Variants in TYW1B observed in about 807,000 individuals in gnomAD.
The protein encoded by TYW1B is tRNA-yW synthesizing protein 1 homolog B.
A neutral mutation model predicts 86.9 loss-of-function variants in TYW1B; 73 were observed. The ratio of observed to expected loss-of-function variants is 0.84; its 90% CI spans 0.70 to 1.02. TYW1B has a LOEUF of 1.02. Ranked by LOEUF, TYW1B falls within the 50% of genes least tolerant of loss-of-function variation. The pLI, the probability that TYW1B is intolerant of heterozygous loss-of-function variation, is 0.00. For missense variants in TYW1B, 637 were observed against 827.4 expected (o/e 0.77, Z 2.82); for synonymous variants, 248 against 292.8 (o/e 0.85, Z 1.56).
chr7:72,585,226 C>A (rs1477498452), intron 13 of TYW1B, among the ~76,000 whole-genome samples: 1 of 152,190 alleles, frequency 6.6e-6, no homozygotes, highest in Non-Finnish European at 1.5e-5. Flanking sequence ...CCAGGTTCTG[C>A]TAAAAGTTGT....
chr7:72,803,600 C>T (rs1162307903), intron 5 of TYW1B, among the ~76,000 whole-genome samples: 1 of 152,034 alleles, frequency 6.6e-6, no homozygotes, highest in African/African-American at 2.4e-5. Context: ...CAGAATCAAA[C>T]GTTAGAGAGA....
rs59438928 is a variant in TYW1B at position 72,711,473 on chromosome 7, C to CTTTTTTTTTTTTT, written c.1370+2135_1370+2147dup. ...CTTCGTGTTTCTCTCCTCTTTAATT[C>CTTTTTTTTTTTTT]TTTTTTTTTTTTTTTTTTTTTTTTT... is the stretch of plus-strand genomic sequence containing the variant. On this transcript the variant is annotated intron_variant, in intron 10 of 13. Transcript: ENST00000620995. 3.5e-3 allele frequency among the ~76,000 whole-genome samples: 199 copies of CTTTTTTTTTTTTT among 56,966 alleles called. 44 individuals carry two copies. Among genetic ancestry groups the CTTTTTTTTTTTTT allele is most frequent in the Non-Finnish European group, 4.3e-3 (144 of 33,348 alleles). 37.4% of individuals were successfully genotyped at this position (56,966 alleles called of 152,430 possible).
intron 7 of TYW1B, among the ~76,000 whole-genome samples, chr7:72,754,723 C>T (rs1362853971): frequency 2.0e-5 from 3 of 152,182 alleles, no homozygotes; most frequent in Non-Finnish European, 4.4e-5. Context: ...CAGGTGTGAG[C>T]CACTGCAGCC....
intron 11 of TYW1B, among the ~76,000 whole-genome samples, chr7:72,675,944 C>G (rs2961004): frequency 6.6e-6 from 1 of 152,048 alleles, no homozygotes; most frequent in East Asian, 1.9e-4. Context: ...TAACATCACA[C>G]TACATAACAT....
chr7:72,613,089 T>C (rs1585847930), intron 13 of TYW1B, among the ~76,000 whole-genome samples: 1 of 152,062 alleles, frequency 6.6e-6, no homozygotes, highest in Non-Finnish European at 1.5e-5. Context: ...AGGGGGGAAC[T>C]GTATTCTTTT....
At chr7:72,649,187 C>T (rs1554442439) in intron 11 of TYW1B, among the ~76,000 whole-genome samples, 2 of 152,010 alleles carry the variant, frequency 1.3e-5, no homozygotes, top group South Asian at 2.1e-4. Context: ...ACTCAAAGAA[C>T]GAATGACTAG....
chr7:72,637,653 G>T (rs1585867047), intron 11 of TYW1B, among the ~76,000 whole-genome samples: 2 of 144,460 alleles, frequency 1.4e-5, no homozygotes, highest in African/African-American at 5.1e-5. Context: ...TTCCTTCCAA[G>T]TACTTACTCT....
intron 8 of TYW1B, among the ~76,000 whole-genome samples, chr7:72,730,126 G>C (rs778543862): frequency 2.0e-5 from 3 of 152,134 alleles, no homozygotes; most frequent in African/African-American, 4.8e-5. Context: ...AAGGGTGACT[G>C]TTATACCAGA....
At chr7:72,580,321 G>C (rs1212183579) in intron 13 of TYW1B, among the ~76,000 whole-genome samples, 1 of 152,296 alleles carries the variant, frequency 6.6e-6, no homozygotes, top group South Asian at 2.1e-4. Context: ...ACAGCGCTGA[G>C]AGACAGCTGC....
rs781783786 is a variant in TYW1B, at chr7:72,625,662, AAAAAC to A, written c.1617+3220_1617+3224del. On this transcript the variant is annotated intron_variant, in intron 12 of 13. Transcript: ENST00000620995. The stretch of plus-strand genomic sequence containing the variant: ...GGGCAACCGAGCAAGACTGTCTCAG[AAAAAC>A]AAAACAAAACAAAACAAAACATCTC... Among the ~76,000 whole-genome samples, 478 of 151,618 alleles carry A rather than the reference AAAAAC, an allele frequency of 3.2e-3. 1 individual carries two copies. The highest frequency in any genetic ancestry group is 0.01 in the South Asian group (49 of 4,768).
chr7:72,603,419 G>A (rs1811723227), intron 13 of TYW1B, among the ~76,000 whole-genome samples: 3 of 152,180 alleles, frequency 2.0e-5, no homozygotes, highest in African/African-American at 7.2e-5. Flanking sequence ...AGACAGAGAT[G>A]GTGATACAGA....
chr7:72,737,853 C>A (rs1554461248), intron 8 of TYW1B, among the ~76,000 whole-genome samples: 1 of 149,340 alleles, frequency 6.7e-6, no homozygotes, highest in East Asian at 2.0e-4. Flanking sequence ...CGGCTCACTG[C>A]AAGCTCCACC....
intron 11 of TYW1B, among the ~76,000 whole-genome samples, chr7:72,646,367 A>T (rs1317507024): frequency 1.3e-5 from 2 of 151,826 alleles, no homozygotes; most frequent in African/African-American, 4.8e-5. Context: ...TGGCCTAAAA[A>T]GTCTTTATTT....
chr7:72,604,033 C>T (rs575426801), intron 13 of TYW1B, among the ~76,000 whole-genome samples: 1 of 152,180 alleles, frequency 6.6e-6, no homozygotes, highest in African/African-American at 2.4e-5. Context: ...CACTGGCTCA[C>T]GAATTGTAAC....
At chr7:72,785,749 A>G (rs1788117857) in intron 6 of TYW1B, among the ~76,000 whole-genome samples, 1 of 152,144 alleles carries the variant, frequency 6.6e-6, no homozygotes, top group Non-Finnish European at 1.5e-5. Context: ...AACTAAGGCA[A>G]TTTCATGTGG....
intron 2 of TYW1B, 81 bp from the exon 3 acceptor site, chr7:72,815,562 T>A (rs1586006512): frequency 7.8e-7 from 1 of 1,274,634 alleles, no homozygotes; most frequent in Non-Finnish European, 1.1e-6. Flanking sequence ...GGCACAAGAA[T>A]GTGGCATTCC....
intron 12 of TYW1B, among the ~76,000 whole-genome samples, chr7:72,627,300 T>C (rs1554439015): frequency 6.6e-6 from 1 of 151,828 alleles, no homozygotes; most frequent in East Asian, 1.9e-4. Context: ...ATAGAAAAAT[T>C]AGCCAGGTGC....
intron 7 of TYW1B, among the ~76,000 whole-genome samples, chr7:72,758,789 A>C (rs559053564): frequency 6.6e-6 from 1 of 152,310 alleles, no homozygotes; most frequent in Non-Finnish European, 1.5e-5. Context: ...TATAAAGAAA[A>C]GTGTCTTTCT....
At chr7:72,637,071 C>G (rs1273401998) in intron 11 of TYW1B, among the ~76,000 whole-genome samples, 3 of 152,018 alleles carry the variant, frequency 2.0e-5, no homozygotes, top group Non-Finnish European at 4.4e-5. Context: ...TTGCAGTGAG[C>G]TGAGATCACG....
Sources: allele counts gnomAD v4.1 joint callset (sites outside exome capture counted in the v4.1 genomes callset), GRCh38; gene constraint gnomAD v4.1.1; transcripts MANE v1.5; gene names NCBI Gene and HGNC (gene_info 2026-07-23, HGNC 2026-07-21).